FLT4: variants seen among roughly 807,000 people sequenced by gnomAD.
The protein encoded by FLT4 is fms related receptor tyrosine kinase 4.
A neutral mutation model predicts 163.2 loss-of-function variants in FLT4; 30 were observed. The observed-to-expected ratio is 0.18, with a 90% confidence interval of 0.14 to 0.25. The LOEUF (loss-of-function observed/expected upper bound fraction) is 0.25. FLT4 is among the 10% of genes least tolerant of loss of function. The probability of loss-of-function intolerance (pLI) is 1.00; values close to 1 mark genes in which losing one functional copy is unlikely to be tolerated. For synonymous variants in FLT4, 884 were observed against 789.5 expected, an observed-to-expected ratio of 1.12 and a Z score of -2.01; for missense variants, 1,510 against 1,863.8, an observed-to-expected ratio of 0.81 and a Z score of 3.50.
chr5:180,609,309 T>C, intron 28 of FLT4: 1 of 566,488 alleles, frequency 1.8e-6, no homozygotes, highest in Non-Finnish European at 3.2e-6. Flanking sequence ...ACCTCCACGG[T>C]GGCCAAGCAT....
chr5:180,649,546 C>A lies in FLT4; in HGVS notation c.-1G>T, dbSNP rs1188971795. The A allele has an allele frequency of 1.4e-6, 2 of 1,432,672 alleles. No homozygotes were observed. Among genetic ancestry groups the A allele is most frequent in the Non-Finnish European group, 1.8e-6 (2 of 1,091,980 alleles). 88.7% of individuals were successfully genotyped at this position (1,432,672 alleles called of 1,614,324 possible). ...GGCACAGCGCGGCGCCCCGCTGCAT[C>A]TCCGGCCGCTGCGCGTGGGTCCGAC... On this transcript the variant is annotated 5_prime_UTR_variant, in exon 1 of 30. Coordinates refer to ENST00000261937, the MANE Select transcript of FLT4 (RefSeq NM_182925.5).
At chr5:180,631,934 T>G (rs1163712097) in intron 1 of FLT4, among the ~76,000 whole-genome samples, 156 bp from the exon 2 acceptor site, 1 of 151,090 alleles carries the variant, frequency 6.6e-6, no homozygotes, top group Non-Finnish European at 1.5e-5. Context: ...CCTCACCATG[T>G]GCGCCGTGAG....
At position 180,621,903 on chromosome 5, in the gene FLT4, G is replaced by A. The variant is rs781497782; in HGVS notation, c.1659C>T (p.Thr553=). ...DERLIYFYVT[T]IPDGFTIESK... ...ATTCGATGGTGAAGCCGTCGGGGATGGCTGTGGAGGGAGGAAGAAGCCCTG... is the reference window on the plus strand; with the variant it reads ...ATTCGATGGTGAAGCCGTCGGGGATAGCTGTGGAGGGAGGAAGAAGCCCTG... The change falls in exon 13 of 30, where the codon ACC becomes ACT. Residue 553 remains threonine (T), a splice_region_variant and synonymous_variant. Coordinates refer to ENST00000261937, the MANE Select transcript of FLT4 (RefSeq NM_182925.5). The A allele has an allele frequency of 6.2e-6, 10 of 1,613,372 alleles. No homozygotes were observed. The highest frequency in any genetic ancestry group is 2.7e-5 in the African/African-American group (2 of 75,032).
intron 1 of FLT4, among the ~76,000 whole-genome samples, chr5:180,643,384 G>A (rs1267953733): frequency 2.6e-5 from 4 of 152,274 alleles, no homozygotes; most frequent in Middle Eastern, 3.4e-3. Context: ...ACAGCAGCTT[G>A]GCGTGGATGC....
Position 180,602,195 on chromosome 5 carries a change from G to A in FLT4, c.*997C>T, listed in dbSNP as rs927976776. The A allele has an allele frequency of 3.4e-5, 8 of 235,800 alleles. No homozygotes were observed. The highest frequency in any genetic ancestry group is 1.3e-4 in the African/African-American group (6 of 45,420). The allele number at this position is 235,800 out of a possible 1,614,324, so 14.6% of individuals were successfully genotyped here. ...CTGGGTGGTCCTTTGTGCCAGCCCCGAGCCTTCCTGAGTGGATCCCACAGT... is the reference window on the plus strand; with the variant it reads ...CTGGGTGGTCCTTTGTGCCAGCCCCAAGCCTTCCTGAGTGGATCCCACAGT... On this transcript the variant is annotated 3_prime_UTR_variant, in exon 30 of 30. Transcript: ENST00000261937.
chr5:180,604,039 A>G (rs1402925595), intron 29 of FLT4, among the ~76,000 whole-genome samples: 3 of 152,102 alleles, frequency 2.0e-5, no homozygotes, highest in Non-Finnish European at 4.4e-5. Flanking sequence ...GAGGGACTGG[A>G]GCCCTGTCAG....
In FLT4 at chr5:180,621,755, C is replaced by T. The variant is rs1763164213; in HGVS notation, c.1807G>A (p.Gly603Arg). Residue 603 changes from glycine (G) to arginine (R), a missense_variant, in exon 13 of 30, where the codon GGG (glycine) becomes AGG (arginine). Around this residue, in one of 5 missense-constraint regions of FLT4, gnomAD observed 878 missense variants for 1,016.7 expected, o/e 0.86. Transcript: ENST00000261937. ...LNLSTLHDAH[G>R]NPLLLDCKNV... The stretch of plus-strand genomic sequence containing the variant: ...TTGCAGTCGAGCAGAAGCGGGTTCC[C>T]GTGCGCATCGTGCAGCGTGGACAGG... 6.2e-7 allele frequency: 1 copy of T among 1,613,170 alleles called. No individual in the cohort carries two copies. Among genetic ancestry groups the T allele is most frequent in the East Asian group, 2.2e-5 (1 of 44,886 alleles).
chr5:180,603,960 G>A (rs546918820), intron 29 of FLT4, among the ~76,000 whole-genome samples: 25 of 151,600 alleles, frequency 1.6e-4, no homozygotes, highest in Non-Finnish European at 2.5e-4. Context: ...AGCCAAGATC[G>A]TGCCGCTGCA....
intron 8 of FLT4, 31 bp downstream of exon 8, chr5:180,628,851 G>C: frequency 6.9e-7 from 1 of 1,445,684 alleles, no homozygotes; most frequent in Non-Finnish European, 9.6e-7. Context: ...GAAGGGTATC[G>C]GCGGGGTCGG....
chr5:180,638,378 G>A (rs1411014196), intron 1 of FLT4, among the ~76,000 whole-genome samples: 1 of 152,122 alleles, frequency 6.6e-6, no homozygotes, highest in East Asian at 1.9e-4. Context: ...CCAGACCACT[G>A]AAGCCTGTCA....
intron 1 of FLT4, among the ~76,000 whole-genome samples, chr5:180,640,619 C>T (rs1261542951): frequency 6.6e-6 from 1 of 152,244 alleles, no homozygotes; most frequent in Non-Finnish European, 1.5e-5. Context: ...GCTAATGATG[C>T]CGTTTTTTTC....
chr5:180,603,859 G>T (rs542488766), intron 29 of FLT4, among the ~76,000 whole-genome samples: 1 of 150,998 alleles, frequency 6.6e-6, no homozygotes, highest in Non-Finnish European at 1.5e-5. Flanking sequence ...AGCTGAGATC[G>T]CACCACTGCA....
rs375128787 is a variant in FLT4 at position 180,626,002 on chromosome 5, A to C, written c.1288T>G (p.Ser430Ala). 6.8e-6 allele frequency: 11 copies of C among 1,612,386 alleles called. No homozygotes were observed. The highest frequency in any genetic ancestry group is 1.1e-5 in the South Asian group (1 of 91,062). ...TGACGCGAGTAGATGCTGGGGGAGG[A>C]GGCCTCCTTCTCATGTATCTGGGGG... ...VPPQIHEKEA[S>A]SPSIYSRHSR... The change falls in exon 10 of 30, where the codon TCC (serine) becomes GCC (alanine). Residue 430 changes from serine (S) to alanine (A), a missense_variant. Ser to Ala is a moderately conservative substitution (Grantham distance 99, BLOSUM62 1). Coordinates refer to ENST00000261937, the MANE Select transcript of FLT4 (RefSeq NM_182925.5).
intron 1 of FLT4, among the ~76,000 whole-genome samples, chr5:180,633,931 G>A (rs899017240): frequency 1.3e-5 from 2 of 152,140 alleles, no homozygotes; most frequent in African/African-American, 2.4e-5. Flanking sequence ...CTGGAGTGTT[G>A]AGCTGGTGGC....
rs1338403641 is a variant in FLT4 at position 180,620,522 on chromosome 5, G to A, written c.2406+87C>T. ...GAAACAAGGCTGCCAGGTGAACTAG[G>A]GCGGGCACCTTATTCTTTATCTTAG... On this transcript the variant is annotated intron_variant, in intron 16 of 29. Coordinates refer to ENST00000261937, the MANE Select transcript of FLT4 (RefSeq NM_182925.5). This position sits in a 1 kb window ranked among gnomAD's most constrained non-coding sequence, Gnocchi z 4.4. 6.5e-6 allele frequency: 8 copies of A among 1,225,450 alleles called. No homozygotes were observed. The Admixed American group carries it at 7.4e-5, about 11-fold the overall frequency. The allele number at this position is 1,225,450 out of a possible 1,614,324, so 75.9% of individuals were successfully genotyped here.
chr5:180,611,987 C>T (rs1762240846), intron 26 of FLT4, among the ~76,000 whole-genome samples: 2 of 152,182 alleles, frequency 1.3e-5, no homozygotes, highest in African/African-American at 4.8e-5. Context: ...CCCGCAGCAC[C>T]CATCCCAGTC....
At chr5:180,609,380 C>T (rs986562726) in intron 28 of FLT4, 1 of 468,470 alleles carries the variant, frequency 2.1e-6, no homozygotes, top group South Asian at 2.4e-5. Flanking sequence ...CACAACCTGG[C>T]AGCTCGTAGT....
intron 1 of FLT4, among the ~76,000 whole-genome samples, chr5:180,634,395 C>T (rs181142697): frequency 7.4e-4 from 112 of 152,198 alleles, no homozygotes; most frequent in Non-Finnish European, 1.3e-3. Flanking sequence ...GGAGATTCAA[C>T]GGGTGGATAT....
At chr5:180,627,466 G>A (rs992956116) in intron 8 of FLT4, among the ~76,000 whole-genome samples, 1 of 152,200 alleles carries the variant, frequency 6.6e-6, no homozygotes, top group Non-Finnish European at 1.5e-5. Context: ...TGCAGCTGTC[G>A]TGAGGTTTAA....
Sources: gnomAD v4.1 joint callset for allele counts (sites outside exome capture counted in the v4.1 genomes callset) on GRCh38, gnomAD v4.1.1 for gene constraint, gnomAD v4.1.1 regional missense constraint, Gnocchi (gnomAD v3.1) non-coding constraint, MANE v1.5 for transcripts, NCBI Gene and HGNC (gene_info 2026-07-23, HGNC 2026-07-21) for gene names.